The following DMD variants were observed in gnomAD, a reference collection of about 807,000 sequenced individuals.
The protein encoded by DMD is mutant dystrophin.
Under a neutral mutation model 330.1 loss-of-function variants are expected in DMD, and 63 were observed. The ratio of observed to expected loss-of-function variants is 0.19; its 90% CI spans 0.16 to 0.24. The LOEUF is 0.24. Among genes scored for constraint, DMD ranks in the 10% least tolerant of loss-of-function variants. DMD has a pLI of 1.00. For synonymous variants in DMD, 1,223 were observed against 959.8 expected, an observed-to-expected ratio of 1.27 and a Z score of -5.07; for missense variants, 3,344 against 2,684.1, an observed-to-expected ratio of 1.25 and a Z score of -5.43.
chrX:31,366,511 T>G (rs370944696), intron 60 of DMD, among the ~76,000 whole-genome samples: 1 of 37,303 alleles, frequency 2.7e-5, no homozygotes, highest in Non-Finnish European at 4.9e-5. Context: ...AAAAAAAAAA[T>G]AAATAAATAA....
chrX:32,072,238 T>C (rs1384727682), intron 44 of DMD, among the ~76,000 whole-genome samples: 1 of 111,789 alleles, frequency 8.9e-6, no homozygotes, highest in Non-Finnish European at 1.9e-5. Flanking sequence ...TGCTCTCCAA[T>C]GACATTCTTA....
intron 44 of DMD, among the ~76,000 whole-genome samples, chrX:32,067,639 A>G (rs2096268130): frequency 8.9e-6 from 1 of 112,009 alleles, no homozygotes; most frequent in Admixed American, 9.5e-5. Context: ...TAATTTGCTT[A>G]GGATAATGGC....
intron 42 of DMD, among the ~76,000 whole-genome samples, chrX:32,305,437 C>G (rs1295939996): frequency 1.8e-5 from 2 of 111,161 alleles, no homozygotes; most frequent in Non-Finnish European, 3.8e-5. Flanking sequence ...TAACTCAGCC[C>G]CAAGTCGGCC....
intron 66 of DMD, 92 bp downstream of exon 66, chrX:31,206,490 G>GT (rs2044080523): frequency 2.9e-5 from 24 of 820,293 alleles, no homozygotes; most frequent in Non-Finnish European, 4.1e-5. Context: ...GGAATCTGCT[G>GT]TCAAATAAGA....
At chrX:32,926,395 T>C (rs1479143035) in intron 2 of DMD, among the ~76,000 whole-genome samples, 1 of 112,056 alleles carries the variant, frequency 8.9e-6, no homozygotes, top group Non-Finnish European at 1.9e-5. Context: ...ATGTTGATTC[T>C]ACAGGTGGTT....
intron 61 of DMD, among the ~76,000 whole-genome samples, chrX:31,327,984 T>C (rs1263715037): frequency 8.9e-6 from 1 of 112,530 alleles, no homozygotes; most frequent in Non-Finnish European, 1.9e-5. Context: ...GTATCAACAT[T>C]TGTGTACAGG....
chrX:33,158,404 T>C (rs1400401003), intron 1 of DMD, among the ~76,000 whole-genome samples: 2 of 111,076 alleles, frequency 1.8e-5, no homozygotes, highest in Non-Finnish European at 1.9e-5. Context: ...TCTTTGTTCC[T>C]TGTGACTCAT....
At chrX:31,394,838 T>C (rs1214333764) in intron 60 of DMD, among the ~76,000 whole-genome samples, 4 of 110,677 alleles carry the variant, frequency 3.6e-5, no homozygotes, top group Non-Finnish European at 5.7e-5. Context: ...TTTTCTCCAC[T>C]TAAATACAGA....
intron 44 of DMD, among the ~76,000 whole-genome samples, chrX:32,158,857 C>T (rs1426664276): frequency 8.9e-6 from 1 of 112,057 alleles, no homozygotes; most frequent in East Asian, 2.8e-4. Context: ...CATGGTTTAC[C>T]TTTCCATTGT....
intron 60 of DMD, among the ~76,000 whole-genome samples, chrX:31,365,001 A>C (rs2059153731): frequency 9.3e-6 from 1 of 106,957 alleles, no homozygotes; most frequent in Non-Finnish European, 1.9e-5. Flanking sequence ...AGGCTGAGGC[A>C]GGAGAATCAC....
At chrX:33,339,369 GA>G in exon 1 of DMD, 1 of 899,794 alleles carries the variant, frequency 1.1e-6, no homozygotes, top group Admixed American at 2.5e-5. Flanking sequence ...TCATCTTCCT[GA>G]AAGCATTCTA....
intron 63 of DMD, among the ~76,000 whole-genome samples, chrX:31,242,824 C>T (rs1311635304): frequency 9.1e-6 from 1 of 110,043 alleles, no homozygotes; most frequent in Non-Finnish European, 1.9e-5. Context: ...TATACGTTGG[C>T]ATTAATAAAC....
chrX:32,110,542 C>G (rs1356251094), intron 44 of DMD, among the ~76,000 whole-genome samples: 1 of 111,752 alleles, frequency 8.9e-6, no homozygotes, highest in African/African-American at 3.2e-5. Flanking sequence ...GTAAACACAA[C>G]TACCCATATT....
At chrX:31,161,593 G>C (rs1301445716) in intron 74 of DMD, among the ~76,000 whole-genome samples, 2 of 110,972 alleles carry the variant, frequency 1.8e-5, no homozygotes, top group African/African-American at 6.6e-5. Context: ...CGTAACACCA[G>C]ATGCCTCCCC....
chrX:32,946,057 T>C (rs2090783848), intron 2 of DMD, among the ~76,000 whole-genome samples: 2 of 111,753 alleles, frequency 1.8e-5, no homozygotes, highest in Non-Finnish European at 3.8e-5. Context: ...GTTTGGAATT[T>C]TGTAAACAGA....
rs767442827 is a variant in DMD, at chrX:32,454,832, C to G, written c.3433G>C (p.Val1145Leu). 1.2e-4 allele frequency: 147 copies of G among 1,203,643 alleles called. No individual in the cohort carries two copies. The South Asian group carries it at 2.4e-3, about 20-fold the overall frequency. ...TTCAAGGCCTCCTTTCTGGCATAGACCTTCCACAAAACAAACAAACAAAAC... is the reference window on the plus strand; with the variant it reads ...TTCAAGGCCTCCTTTCTGGCATAGAGCTTCCACAAAACAAACAAACAAAAC... ...NTQWDHMCQQ[V>L]YARKEALKGG... Residue 1145 changes from valine (V) to leucine (L), a missense_variant and splice_region_variant, in exon 26 of 79, where the codon GTC becomes CTC. Physicochemically the swap from Val to Leu is conservative, Grantham distance 32. Coordinates refer to ENST00000357033, the MANE Select transcript of DMD (RefSeq NM_004006.3).
At chrX:32,594,943 G>A (rs141465606) in intron 13 of DMD, among the ~76,000 whole-genome samples, 1 of 111,684 alleles carries the variant, frequency 9.0e-6, no homozygotes, top group East Asian at 2.8e-4. Flanking sequence ...AAAAGTTATA[G>A]CAAGGGCTTT....
intron 62 of DMD, among the ~76,000 whole-genome samples, chrX:31,283,542 G>A (rs1045113287): frequency 1.8e-5 from 2 of 111,194 alleles, no homozygotes; most frequent in East Asian, 2.8e-4. Context: ...TTATACTGAC[G>A]ATTTGGTCCT....
At position 32,342,273 on chromosome X, in the gene DMD, G is replaced by A. The variant is rs763893272; in HGVS notation, c.5749C>T (p.Arg1917Trp). The A allele has an allele frequency of 4.1e-6, 5 of 1,209,051 alleles. No homozygotes were observed. Among genetic ancestry groups the A allele is most frequent in the Non-Finnish European group, 5.6e-6 (5 of 895,059 alleles). Residue 1917 changes from arginine to tryptophan, a missense_variant, in exon 41 of 79, where the codon CGG (arginine) becomes TGG (tryptophan). Coordinates refer to ENST00000357033, the MANE Select transcript of DMD (RefSeq NM_004006.3). ...TCCTCTTTCTTCTTCTGCAATTCCC[G>A]ATCAATTTCCTATTGAGCAAAACCA... ...RDERKIKEID[R>W]ELQKKKEELN...
Sources: allele counts gnomAD v4.1 joint callset (sites outside exome capture counted in the v4.1 genomes callset), GRCh38; gene constraint gnomAD v4.1.1; transcripts MANE v1.5; gene names NCBI Gene and HGNC (gene_info 2026-07-23, HGNC 2026-07-21).